The following GRIK5 variants were observed in gnomAD, a reference collection of about 807,000 sequenced individuals.
GRIK5 encodes glutamate receptor ionotropic, kainate 5.
Under a neutral mutation model 97.4 loss-of-function variants are expected in GRIK5, and 43 were observed. The observed-to-expected ratio is 0.44, with a 90% confidence interval of 0.35 to 0.57. The LOEUF (loss-of-function observed/expected upper bound fraction) is 0.57. Ranked by LOEUF, GRIK5 falls within the 20% of genes least tolerant of loss-of-function variation. GRIK5 has a pLI of 0.01. For synonymous variants in GRIK5, 580 were observed against 583.5 expected, an observed-to-expected ratio of 0.99 and a Z score of 0.09; for missense variants, 1,015 against 1,382.0, an observed-to-expected ratio of 0.73 and a Z score of 4.21.
Position 42,002,039 on chromosome 19 carries a change from C to T in GRIK5, c.2514+1293G>A, listed in dbSNP as rs540661520. 1 of 648,298 alleles carries T rather than the reference C, an allele frequency of 1.5e-6. No individual in the cohort carries two copies. The highest frequency in any genetic ancestry group is 2.5e-5 in the Admixed American group (1 of 40,644). 40.2% of individuals were successfully genotyped at this position (648,298 alleles called of 1,614,324 possible). On this transcript the variant is annotated intron_variant, in intron 19 of 19. Transcript: ENST00000593562. The surrounding 1 kb of genome is among the most constrained non-coding windows in gnomAD (Gnocchi z 5.2). ...GAAGTGGGAGAAGGGGAAGAAGGGG[C>T]TTTGAGGATTGAGAGTGACTGGCTG...
intron 12 of GRIK5, among the ~76,000 whole-genome samples, chr19:42,029,865 T>G (rs1441522813): frequency 6.6e-6 from 1 of 151,996 alleles, no homozygotes; most frequent in Non-Finnish European, 1.5e-5. Context: ...GCCACCAAAA[T>G]CCAAAAAGTC....
At chr19:42,043,789 G>T (rs1030186918) in intron 11 of GRIK5, among the ~76,000 whole-genome samples, 1 of 152,122 alleles carries the variant, frequency 6.6e-6, no homozygotes, top group Admixed American at 6.6e-5. Flanking sequence ...TCTCATGCCT[G>T]AAATCTCACT....
chr19:42,051,566 A>G (rs770520365), intron 11 of GRIK5, among the ~76,000 whole-genome samples: 3 of 151,946 alleles, frequency 2.0e-5, no homozygotes, highest in Non-Finnish European at 2.9e-5. Context: ...CTGTCCCAAC[A>G]CTCACCACAA....
chr19:42,012,493 C>T (rs1314661509), intron 15 of GRIK5, among the ~76,000 whole-genome samples: 1 of 152,114 alleles, frequency 6.6e-6, no homozygotes, highest in African/African-American at 2.4e-5. Context: ...TCAGGCAATC[C>T]GCCCGCATCG....
At position 42,002,678 on chromosome 19, in the gene GRIK5, G is replaced by A. The variant is rs2075437409; in HGVS notation, c.2514+654C>T. 1 of 610,008 alleles carries A rather than the reference G, an allele frequency of 1.6e-6. No individual in the cohort carries two copies. Among genetic ancestry groups the A allele is most frequent in the Non-Finnish European group, 2.9e-6 (1 of 342,612 alleles). 37.8% of individuals were successfully genotyped at this position (610,008 alleles called of 1,614,324 possible). A position where few individuals can be genotyped will look rare whatever the true frequency, so the allele number is the denominator to read the frequency against. ...AGCACGAATGGGTCTGGAAATGCAGGGGTGTGGCTGGGCGGCCCCCAGGGA... is the reference window on the plus strand; with the variant it reads ...AGCACGAATGGGTCTGGAAATGCAGAGGTGTGGCTGGGCGGCCCCCAGGGA... On this transcript the variant is annotated intron_variant, in intron 19 of 19. Coordinates refer to ENST00000593562, the MANE Select transcript of GRIK5 (RefSeq NM_002088.5). This position sits in a 1 kb window ranked among gnomAD's most constrained non-coding sequence, Gnocchi z 5.2.
chr19:42,055,628 T>C (rs570065825), intron 8 of GRIK5, among the ~76,000 whole-genome samples: 2 of 152,160 alleles, frequency 1.3e-5, no homozygotes, highest in South Asian at 2.1e-4. Flanking sequence ...TAAGCAAATA[T>C]AAGTGCTATG....
chr19:42,038,280 A>T (rs2075933208), intron 12 of GRIK5, among the ~76,000 whole-genome samples: 1 of 152,178 alleles, frequency 6.6e-6, no homozygotes, highest in South Asian at 2.1e-4. Context: ...ACTGGGTGGA[A>T]AAAATGGGTC....
rs990847502 is a variant in GRIK5, at chr19:42,042,542, C to T, written c.1473+10G>A. On this transcript the variant is annotated intron_variant, in intron 12 of 19. Transcript: ENST00000593562. This position sits in a 1 kb window ranked among gnomAD's most constrained non-coding sequence, Gnocchi z 6.9. ...TCCATGCATCTTTCCCGGCCCCAGT[C>T]CAGCCATACCCGGTTGATGAGCTCG... 1.9e-6 allele frequency: 3 copies of T among 1,601,378 alleles called. No individual in the cohort carries two copies. The highest frequency in any genetic ancestry group is 1.3e-5 in the African/African-American group (1 of 74,758).
intron 12 of GRIK5, among the ~76,000 whole-genome samples, chr19:42,032,428 T>C (rs530587653): frequency 6.6e-6 from 1 of 152,310 alleles, no homozygotes; most frequent in African/African-American, 2.4e-5. Flanking sequence ...TTTGGCAGTA[T>C]ACACTTAGAA....
chr19:42,017,517 AAG>A (rs2075639110), intron 15 of GRIK5, among the ~76,000 whole-genome samples: 3 of 152,222 alleles, frequency 2.0e-5, no homozygotes, highest in Non-Finnish European at 4.4e-5. Flanking sequence ...TTGGGTCTGC[AAG>A]CACTGAAAAC....
Position 42,067,358 on chromosome 19 carries a change from CA to C in GRIK5, c.-50-1539del, listed in dbSNP as rs574292337. 3.7e-3 allele frequency among the ~76,000 whole-genome samples: 570 copies of C among 152,354 alleles called. 1 individual carries two copies. The highest frequency in any genetic ancestry group is 0.013 in the African/African-American group (551 of 41,570). On this transcript the variant is annotated intron_variant, in intron 1 of 19. Coordinates refer to ENST00000593562, the MANE Select transcript of GRIK5 (RefSeq NM_002088.5). ...CCCTGACTCACTGCGTGATCTTGAG[CA>C]AGTCACTGCCTTCTAGGCCTCTGAG...
At chr19:42,033,933 G>A (rs1007565047) in intron 12 of GRIK5, among the ~76,000 whole-genome samples, 1 of 152,156 alleles carries the variant, frequency 6.6e-6, no homozygotes, top group East Asian at 1.9e-4. Flanking sequence ...CCAGGAGGTG[G>A]AGGTCGCAGT....
intron 8 of GRIK5, 71 bp downstream of exon 8, chr19:42,056,591 G>T: frequency 7.5e-7 from 1 of 1,332,986 alleles, no homozygotes; most frequent in South Asian, 1.3e-5. Context: ...ATCTGAGTGA[G>T]GTCTGAAAGG....
At chr19:42,011,412 G>T (rs2146027826) in intron 15 of GRIK5, among the ~76,000 whole-genome samples, 1 of 151,944 alleles carries the variant, frequency 6.6e-6, no homozygotes, top group South Asian at 2.1e-4. Context: ...AATTAGCCAG[G>T]CGTGGTAGCG....
Position 42,053,899 on chromosome 19 carries a change from C to T in GRIK5, c.1087G>A (p.Glu363Lys), listed in dbSNP as rs1282905579. The T allele has an allele frequency of 1.2e-6, 2 of 1,613,850 alleles. No individual in the cohort carries two copies. Among genetic ancestry groups the T allele is most frequent in the Non-Finnish European group, 1.7e-6 (2 of 1,179,862 alleles). ...VEYDGLTGRV[E>K]FNSKGQRTNY... ...GTTCTCTGCCCTTTGCTGTTGAACT[C>T]GACCCGCCCGGTCAGCCCATCATAC... is the stretch of plus-strand genomic sequence containing the variant. The change falls in exon 10 of 20, where the codon GAG becomes AAG. Residue 363 changes from glutamate (E) to lysine (K), a missense_variant. Transcript: ENST00000593562.
At chr19:42,005,551 G>C (rs554355730) in intron 17 of GRIK5, among the ~76,000 whole-genome samples, 172 bp downstream of exon 17, 4 of 152,322 alleles carry the variant, frequency 2.6e-5, no homozygotes, top group South Asian at 2.1e-4. Flanking sequence ...TTGCAGGTTG[G>C]GGGTACAGAG....
chr19:42,029,066 A>C (rs1295295804), intron 12 of GRIK5, among the ~76,000 whole-genome samples: 1 of 152,074 alleles, frequency 6.6e-6, no homozygotes, highest in African/African-American at 2.4e-5. Context: ...CCCCATCTCT[A>C]CAAAAAAAAA....
chr19:42,055,634 C>T (rs990108900), intron 8 of GRIK5, among the ~76,000 whole-genome samples: 1 of 151,960 alleles, frequency 6.6e-6, no homozygotes, highest in Non-Finnish European at 1.5e-5. Flanking sequence ...AATATAAGTG[C>T]TATGGAAAAA....
chr19:42,039,550 A>C (rs571618521), intron 12 of GRIK5, among the ~76,000 whole-genome samples: 1 of 152,284 alleles, frequency 6.6e-6, no homozygotes, highest in East Asian at 1.9e-4. Context: ...CCTTTAGCCC[A>C]CTCAGTAAGA....
Sources: allele counts gnomAD v4.1 joint callset (sites outside exome capture counted in the v4.1 genomes callset), GRCh38; gene constraint gnomAD v4.1.1; non-coding constraint Gnocchi (gnomAD v3.1); transcripts MANE v1.5; gene names NCBI Gene and HGNC (gene_info 2026-07-23, HGNC 2026-07-21).